ALDH2: variants seen among roughly 807,000 people sequenced by gnomAD.
ALDH2 encodes the protein aldehyde dehydrogenase 2 family member, also known as aldehyde dehydrogenase, mitochondrial.
In ALDH2, 44 loss-of-function variants were observed where a neutral mutation model predicts 59.6. That is an observed-to-expected ratio of 0.74 (90% CI 0.58 to 0.95). The LOEUF (loss-of-function observed/expected upper bound fraction) is 0.95, where lower values mean the gene tolerates loss of function less well. ALDH2 is among the 40% of genes least tolerant of loss of function. ALDH2 has a pLI of 0.00. For missense variants in ALDH2, 570 were observed against 696.3 expected (o/e 0.82, Z 2.04); for synonymous variants, 291 against 284.0 (o/e 1.02, Z -0.25).
intron 12 of ALDH2, among the ~76,000 whole-genome samples, chr12:111,808,456 G>T (rs2068513312): frequency 6.6e-6 from 1 of 152,140 alleles, no homozygotes; most frequent in Admixed American, 6.5e-5. Flanking sequence ...TGTAATCCCA[G>T]CACTTTGGGA....
In ALDH2 at chr12:111,793,647, G is replaced by C. The variant is rs1300567319; in HGVS notation, c.1083+865G>C. ...GTTTTGTTCTGTCACCCAGGCTGCA[G>C]TGCAGTGGCACGATCTCGACTCATG... is the stretch of plus-strand genomic sequence containing the variant. On this transcript the variant is annotated intron_variant, in intron 9 of 12. Transcript: ENST00000261733. Among the ~76,000 whole-genome samples, 5 of 151,576 alleles carry C rather than the reference G, an allele frequency of 3.3e-5. 1 individual carries two copies. Among genetic ancestry groups the C allele is most frequent in the Admixed American group, 3.3e-4 (5 of 15,174 alleles).
chr12:111,790,072 C>G, intron 5 of ALDH2, 138 bp downstream of exon 5: 1 of 750,590 alleles, frequency 1.3e-6, no homozygotes, highest in Non-Finnish European at 2.2e-6. Flanking sequence ...CAAAGCCAAT[C>G]CGGTTTGAGT....
chr12:111,783,008 G>GCTCT, intron 2 of ALDH2, 150 bp from the exon 3 acceptor site: 2 of 933,586 alleles, frequency 2.1e-6, no homozygotes, highest in Non-Finnish European at 3.1e-6. Flanking sequence ...GCTCATCAGG[G>GCTCT]CTCTGCCGGG....
intron 1 of ALDH2, among the ~76,000 whole-genome samples, chr12:111,778,740 A>C (rs1209113207): frequency 6.6e-6 from 1 of 151,296 alleles, no homozygotes; most frequent in Non-Finnish European, 1.5e-5. Flanking sequence ...AGGCTGAGGC[A>C]GGAGAATGGT....
At chr12:111,798,834 C>T (rs1198791982) in intron 10 of ALDH2, among the ~76,000 whole-genome samples, 2 of 152,062 alleles carry the variant, frequency 1.3e-5, no homozygotes, top group Non-Finnish European at 2.9e-5. Flanking sequence ...TGGCAAAACC[C>T]TGTCTGTATT....
chr12:111,785,319 A>G lies in ALDH2; in HGVS notation c.413A>G (p.Asp138Gly). 1 of 1,614,070 alleles carries G rather than the reference A, an allele frequency of 6.2e-7. No homozygotes were observed. Among genetic ancestry groups the G allele is most frequent in the Non-Finnish European group, 8.5e-7 (1 of 1,180,010 alleles). Residue 138 changes from aspartate to glycine, a missense_variant, in exon 4 of 13, where the codon GAT (aspartate) becomes GGT (glycine). By Grantham distance (94) the Asp-to-Gly change is moderately conservative. Transcript: ENST00000261733. The stretch of plus-strand genomic sequence containing the variant: ...CCCTATGTCATCTCCTACCTGGTGG[A>G]TTTGGACATGGTCCTCAAATGTCTC... ...GKPYVISYLVDLDMVLKCLRY... is the reference protein window; with the variant it reads ...GKPYVISYLVGLDMVLKCLRY...
At chr12:111,796,690 G>T (rs1234973473) in intron 9 of ALDH2, among the ~76,000 whole-genome samples, 1 of 152,050 alleles carries the variant, frequency 6.6e-6, no homozygotes, top group African/African-American at 2.4e-5. Context: ...TCAATTACTT[G>T]AGCCCAGGAG....
chr12:111,777,721 C>A (rs1439357869), intron 1 of ALDH2, among the ~76,000 whole-genome samples: 2 of 152,150 alleles, frequency 1.3e-5, no homozygotes, highest in African/African-American at 4.8e-5. Context: ...GACCTGCTGC[C>A]CAGGCACGGC....
In ALDH2 at chr12:111,783,229, C is replaced by T. The variant is rs746346111; in HGVS notation, c.291C>T (p.Asp97=). ...FQLGSPWRRM[D]ASHRGRLLNR... ...TGGGCTCACCTTGGCGCCGCATGGA[C>T]GCATCACACAGGGGCCGGCTGCTGA... Residue 97 remains aspartate, a synonymous_variant, in exon 3 of 13, where the codon GAC becomes GAT. Transcript: ENST00000261733. The T allele has an allele frequency of 9.1e-5, 147 of 1,613,400 alleles. No individual in the cohort carries two copies. In the East Asian group the frequency reaches 2.0e-3, roughly 22 times the overall value.
intron 11 of ALDH2, 126 bp from the exon 12 acceptor site, chr12:111,803,733 T>C (rs937695654): frequency 8.4e-6 from 4 of 476,988 alleles, no homozygotes; most frequent in Non-Finnish European, 1.4e-5. Flanking sequence ...AAAGATTCTA[T>C]CTCAAAAAAA....
rs1310651868 is a variant in ALDH2 at position 111,798,137 on chromosome 12, G to A, written c.1143G>A (p.Gly381=). ...LGYINTGKQE[G]AKLLCGGGIA... ...ACATCAACACGGGGAAGCAAGAGGGGGCGAAGCTGCTGTGTGGTGGGGGCA... is the reference window on the plus strand; with the variant it reads ...ACATCAACACGGGGAAGCAAGAGGGAGCGAAGCTGCTGTGTGGTGGGGGCA... Residue 381 remains glycine (G), a synonymous_variant, in exon 10 of 13, where the codon GGG becomes GGA. Transcript: ENST00000261733. The A allele has an allele frequency of 3.1e-6, 5 of 1,613,814 alleles. No homozygotes were observed. The highest frequency in any genetic ancestry group is 4.2e-6 in the Non-Finnish European group (5 of 1,179,926).
intron 8 of ALDH2, 52 bp from the exon 9 acceptor site, chr12:111,792,546 C>G (rs2068369350): frequency 6.4e-7 from 1 of 1,573,410 alleles, no homozygotes; most frequent in Non-Finnish European, 8.6e-7. Flanking sequence ...CCACCAGGGC[C>G]AGGGTCCTCC....
chr12:111,767,240 C>A (rs1477562737), intron 1 of ALDH2, 144 bp downstream of exon 1: 4 of 613,380 alleles, frequency 6.5e-6, no homozygotes, highest in South Asian at 2.2e-5. Context: ...AGCACATCTG[C>A]CCCCTCCTCT....
At chr12:111,782,373 G>A (rs7312055) in intron 2 of ALDH2, among the ~76,000 whole-genome samples, 12,307 of 152,234 alleles carry the variant, frequency 0.081, 1,672 homozygotes, top group African/African-American at 0.28. Context: ...GGAACCAATC[G>A]AAACTGATAA....
At chr12:111,791,974 T>G in intron 7 of ALDH2, 87 bp from the exon 8 acceptor site, 2 of 813,800 alleles carry the variant, frequency 2.5e-6, no homozygotes, top group East Asian at 2.4e-5. Context: ...TCACTCAAGC[T>G]GTGGGGGACT....
At chr12:111,776,565 A>G (rs1487551919) in intron 1 of ALDH2, among the ~76,000 whole-genome samples, 2 of 152,132 alleles carry the variant, frequency 1.3e-5, no homozygotes, top group Non-Finnish European at 2.9e-5. Flanking sequence ...GTTTGGGACC[A>G]GCCTGGCCAA....
intron 11 of ALDH2, among the ~76,000 whole-genome samples, chr12:111,803,322 G>A (rs552308357): frequency 6.6e-6 from 1 of 151,800 alleles, no homozygotes; most frequent in South Asian, 2.1e-4. Flanking sequence ...AGCCATCCAG[G>A]TGCAGTGGCT....
chr12:111,774,629 T>C (rs964365196), intron 1 of ALDH2, among the ~76,000 whole-genome samples: 1 of 152,190 alleles, frequency 6.6e-6, no homozygotes, highest in Non-Finnish European at 1.5e-5. Flanking sequence ...TAGCCTTTCA[T>C]TGGAGACCCT....
chr12:111,794,327 A>T (rs1187015227), intron 9 of ALDH2, among the ~76,000 whole-genome samples: 5 of 150,308 alleles, frequency 3.3e-5, no homozygotes, highest in African/African-American at 1.2e-4. Flanking sequence ...CGATCTTTTT[A>T]TTGTCTCTAT....
Sources: gnomAD v4.1 joint callset for allele counts (sites outside exome capture counted in the v4.1 genomes callset) on GRCh38, gnomAD v4.1.1 for gene constraint, MANE v1.5 for transcripts, NCBI Gene and HGNC (gene_info 2026-07-23, HGNC 2026-07-21) for gene names.